Variants in ZNF705B observed in about 807,000 individuals in gnomAD.
ZNF705B encodes the protein zinc finger protein 705B, also known as Putative zinc finger protein 705D-like protein LOC100132396.
Under a neutral mutation model 10.5 loss-of-function variants are expected in ZNF705B, and 1 was observed. The observed-to-expected ratio is 0.10, with a 90% CI of 0.03 to 0.45. The LOEUF (loss-of-function observed/expected upper bound fraction) is 0.45. Among genes scored for constraint, ZNF705B ranks in the 20% least tolerant of loss-of-function variants. The pLI is 0.97. For missense variants in ZNF705B, 14 were observed against 84.0 expected, an observed-to-expected ratio of 0.17 and a Z score of 3.26; for synonymous variants, 4 against 25.4, an observed-to-expected ratio of 0.16 and a Z score of 2.53.
chr8:7,928,957 G>T (rs1204264527), intron 1 of ZNF705B, among the ~76,000 whole-genome samples: 2 of 114,082 alleles, frequency 1.8e-5, no homozygotes, highest in Admixed American at 1.1e-4. Context: ...AGGCCGCAGG[G>T]CTAGGAATAC....
intron 2 of ZNF705B, among the ~76,000 whole-genome samples, chr8:7,935,399 T>C (rs1819984094): frequency 6.8e-6 from 1 of 147,202 alleles, no homozygotes; most frequent in Admixed American, 6.8e-5. Flanking sequence ...CCACACACTC[T>C]GAGGTACTGA....
intron 2 of ZNF705B, among the ~76,000 whole-genome samples, chr8:7,931,357 G>T (rs1819842578): frequency 8.2e-6 from 1 of 121,834 alleles, no homozygotes; most frequent in Admixed American, 9.2e-5. Context: ...GTGGGCACTG[G>T]TGACAGCCGT....
intron 2 of ZNF705B, among the ~76,000 whole-genome samples, chr8:7,944,994 A>G (rs1422708058): frequency 2.9e-5 from 1 of 33,926 alleles, no homozygotes; most frequent in South Asian, 1.6e-3. Context: ...AGAGAGAGAG[A>G]GAGACAACTG....
chr8:7,931,807 A>G (rs560002093), intron 2 of ZNF705B, among the ~76,000 whole-genome samples: 7 of 130,684 alleles, frequency 5.4e-5, no homozygotes, highest in African/African-American at 1.7e-4. Context: ...CAGCCTCCCT[A>G]GTGAATGGCA....
At chr8:7,932,052 G>A (rs1162765275) in intron 2 of ZNF705B, among the ~76,000 whole-genome samples, 2 of 119,356 alleles carry the variant, frequency 1.7e-5, no homozygotes, top group African/African-American at 2.5e-5. Context: ...TGTGTCTGGG[G>A]GCACGTGCAG....
chr8:7,935,246 G>C (rs1819977702), intron 2 of ZNF705B, among the ~76,000 whole-genome samples: 1 of 118,928 alleles, frequency 8.4e-6, no homozygotes, highest in East Asian at 2.5e-4. Flanking sequence ...TGGTCTTTGA[G>C]GTTGCAATTT....
At chr8:7,928,695 C>G (rs1375972285) in intron 1 of ZNF705B, among the ~76,000 whole-genome samples, 2 of 79,108 alleles carry the variant, frequency 2.5e-5, no homozygotes, top group African/African-American at 6.7e-5. Flanking sequence ...GTAATCTATG[C>G]AGAAGTTTGA....
rs1329909520 is a variant in ZNF705B at position 7,937,669 on chromosome 8, T to C, written c.-72+7233T>C. On this transcript the variant is annotated intron_variant, in intron 2 of 6. Coordinates refer to ENST00000400120, the MANE Select transcript of ZNF705B (RefSeq NM_001193630.1). Reference sequence around the variant, plus strand: ...TACTAGTGAGACAGGAATTCAGTAATGCCACAAGGATAATAATCTTATGTC... The same window carrying C: ...TACTAGTGAGACAGGAATTCAGTAACGCCACAAGGATAATAATCTTATGTC... Among the ~76,000 whole-genome samples the C allele has an allele frequency of 6.0e-5, 7 of 117,504 alleles. No individual in the cohort carries two copies. In the South Asian group the frequency reaches 8.9e-4, roughly 15 times the overall value. The allele number at this position is 117,504 out of a possible 152,430, so 77.1% of individuals were successfully genotyped here. A position where few individuals can be genotyped will look rare whatever the true frequency, so the allele number is the denominator to read the frequency against.
At chr8:7,927,863 C>T (rs867059848) in intron 1 of ZNF705B, among the ~76,000 whole-genome samples, 87 of 142,792 alleles carry the variant, frequency 6.1e-4, no homozygotes, top group South Asian at 5.3e-3. Context: ...CAACAATCTA[C>T]CTTTTGGCTT....
rs561476400 is a variant in ZNF705B, at chr8:7,936,927, C to T, written c.-72+6491C>T. Among the ~76,000 whole-genome samples, 900 of 119,438 alleles carry T rather than the reference C, an allele frequency of 7.5e-3. 80 individuals carry two copies. Among genetic ancestry groups the T allele is most frequent in the African/African-American group, 0.022 (842 of 39,004 alleles). The allele number at this position is 119,438 out of a possible 152,430, so 78.4% of individuals were successfully genotyped here. ...AAGACTTTTTAAAATTATGATGTAC[C>T]ATTGTTCATTTGTAAGAATTCAAGT... On this transcript the variant is annotated intron_variant, in intron 2 of 6. Transcript: ENST00000400120.
At chr8:7,929,117 C>T (rs952741929) in intron 1 of ZNF705B, among the ~76,000 whole-genome samples, 1 of 121,546 alleles carries the variant, frequency 8.2e-6, no homozygotes, top group African/African-American at 2.5e-5. Flanking sequence ...AGAATTTAAC[C>T]TCTCCTTAAT....
At chr8:7,928,200 T>C (rs1248810685) in intron 1 of ZNF705B, among the ~76,000 whole-genome samples, 1 of 109,714 alleles carries the variant, frequency 9.1e-6, no homozygotes, top group Non-Finnish European at 2.2e-5. Context: ...AGCAATCCCA[T>C]CACAAGGACT....
At position 7,932,807 on chromosome 8, in the gene ZNF705B, C is replaced by A. The variant is rs1232369048; in HGVS notation, c.-72+2371C>A. Among the ~76,000 whole-genome samples, 2 of 109,634 alleles carry A rather than the reference C, an allele frequency of 1.8e-5. 1 individual carries two copies. The highest frequency in any genetic ancestry group is 4.4e-5 in the Non-Finnish European group (2 of 45,536). 71.9% of individuals were successfully genotyped at this position (109,634 alleles called of 152,430 possible). ...CTTTTAAATATCTTGATTCTATACT[C>A]TTTCAATGACCAAGGGGAGGCCCCC... On this transcript the variant is annotated intron_variant, in intron 2 of 6. Transcript: ENST00000400120.
At chr8:7,928,259 C>T (rs1240760075) in intron 1 of ZNF705B, among the ~76,000 whole-genome samples, 1 of 116,706 alleles carries the variant, frequency 8.6e-6, no homozygotes, top group Non-Finnish European at 2.0e-5. Context: ...CTTGTAATAT[C>T]GTCACCACCT....
chr8:7,940,722 A>T (rs1563082963), intron 2 of ZNF705B, among the ~76,000 whole-genome samples: 2 of 146,840 alleles, frequency 1.4e-5, no homozygotes, highest in African/African-American at 5.0e-5. Flanking sequence ...TATTTCATAT[A>T]ACCTAATGCC....
intron 2 of ZNF705B, among the ~76,000 whole-genome samples, chr8:7,937,526 C>A (rs1820049046): frequency 8.7e-6 from 1 of 115,372 alleles, no homozygotes; most frequent in Admixed American, 1.0e-4. Context: ...ATTTTTAAAC[C>A]TTGATTAAAA....
chr8:7,929,608 C>A (rs1236237121), intron 1 of ZNF705B, among the ~76,000 whole-genome samples: 12 of 123,446 alleles, frequency 9.7e-5, no homozygotes, highest in South Asian at 2.7e-4. Context: ...ATAGATGGAA[C>A]ATTCTCAGGT....
intron 1 of ZNF705B, among the ~76,000 whole-genome samples, chr8:7,929,065 T>C (rs1261953885): frequency 8.2e-6 from 1 of 121,214 alleles, no homozygotes; most frequent in African/African-American, 2.5e-5. Flanking sequence ...AACAAAAAAC[T>C]ATGTGTACCC....
At chr8:7,928,788 G>T (rs565223696) in intron 1 of ZNF705B, among the ~76,000 whole-genome samples, 1 of 95,956 alleles carries the variant, frequency 1.0e-5, no homozygotes, top group Non-Finnish European at 2.5e-5. Flanking sequence ...ACTCAACCAA[G>T]GAAAAAATGT....
Sources: allele counts gnomAD v4.1 joint callset (sites outside exome capture counted in the v4.1 genomes callset), GRCh38; gene constraint gnomAD v4.1.1; transcripts MANE v1.5; gene names NCBI Gene and HGNC (gene_info 2026-07-23, HGNC 2026-07-21).